Variants in FMO4 observed in about 807,000 individuals in gnomAD.
The protein encoded by FMO4 is dimethylaniline monooxygenase [N-oxide-forming] 4.
FMO4 carries 38 observed loss-of-function variants against 43.3 expected under a neutral mutation model. That is an observed-to-expected ratio of 0.88 (90% confidence interval 0.68 to 1.15). The LOEUF (loss-of-function observed/expected upper bound fraction) is 1.15, where lower values mean the gene tolerates loss of function less well. Ranked by LOEUF, FMO4 falls within the 50% of genes most tolerant of loss-of-function variation. The pLI, the probability that FMO4 is intolerant of heterozygous loss-of-function variation, is 0.00. For synonymous variants in FMO4, 224 were observed against 232.2 expected (o/e 0.96, Z 0.32); for missense variants, 631 against 663.3 (o/e 0.95, Z 0.54).
At chr1:171,329,200 G>A (rs995640512) in intron 5 of FMO4, among the ~76,000 whole-genome samples, 9 of 151,962 alleles carry the variant, frequency 5.9e-5, no homozygotes, top group Non-Finnish European at 8.8e-5. Flanking sequence ...TTCTGAACTG[G>A]CCCCAATCCT....
rs764173028 is a variant in FMO4, at chr1:171,319,893, A to G, written c.68A>G (p.Asp23Gly). The change falls in exon 3 of 10, where the codon GAT (aspartate) becomes GGT (glycine). Residue 23 changes from aspartate to glycine, a missense_variant. Transcript: ENST00000367749. The stretch of plus-strand genomic sequence containing the variant: ...CTCTCCTCCATCAAATGCTGTGTGG[A>G]TGAGGACCTGGAGCCCACCTGCTTT... ...SGLSSIKCCV[D>G]EDLEPTCFER... 1 of 1,613,860 alleles carries G rather than the reference A, an allele frequency of 6.2e-7. No homozygotes were observed. Among genetic ancestry groups the G allele is most frequent in the Non-Finnish European group, 8.5e-7 (1 of 1,179,806 alleles).
intron 5 of FMO4, among the ~76,000 whole-genome samples, chr1:171,329,897 A>G (rs1435285485): frequency 6.6e-6 from 1 of 152,204 alleles, no homozygotes; most frequent in Non-Finnish European, 1.5e-5. Context: ...TGGGGGCCTC[A>G]GTAGGCAAAG....
chr1:171,332,563 A>G, intron 6 of FMO4, 146 bp from the exon 7 acceptor site: 1 of 586,078 alleles, frequency 1.7e-6, no homozygotes, highest in Non-Finnish European at 3.0e-6. Flanking sequence ...AGGAACAGAT[A>G]ATCGTATGTA....
intron 2 of FMO4, among the ~76,000 whole-genome samples, chr1:171,318,314 C>CA (rs1370525683): frequency 2.1e-5 from 3 of 142,424 alleles, no homozygotes; most frequent in Middle Eastern, 3.5e-3. Flanking sequence ...AAGACTGTCT[C>CA]AAAATAATAA....
Sources: gnomAD v4.1 joint callset for allele counts (sites outside exome capture counted in the v4.1 genomes callset) on GRCh38, gnomAD v4.1.1 for gene constraint, MANE v1.5 for transcripts, NCBI Gene and HGNC (gene_info 2026-07-23, HGNC 2026-07-21) for gene names.